The following MCC variants were observed in gnomAD, a reference collection of about 807,000 sequenced individuals.
MCC encodes MCC regulator of Wnt signaling pathway.
MCC carries 90 observed loss-of-function variants against 116.2 expected under a neutral mutation model. That is an observed-to-expected ratio of 0.77 (90% CI 0.65 to 0.92). The LOEUF (loss-of-function observed/expected upper bound fraction) is 0.92. MCC is among the 40% of genes least tolerant of loss of function. The pLI, the probability that MCC is intolerant of heterozygous loss-of-function variation, is 0.00. For synonymous variants in MCC, 578 were observed against 510.5 expected (o/e 1.13, Z -1.78); for missense variants, 1,516 against 1,312.2 (o/e 1.16, Z -2.40).
chr5:113,482,465 T>G (rs2150436480), intron 1 of MCC, among the ~76,000 whole-genome samples: 1 of 25,060 alleles, frequency 4.0e-5, no homozygotes, highest in East Asian at 3.8e-3. Flanking sequence ...GGGTGTAAAG[T>G]AGAATTCCCA....
chr5:113,358,941 A>G (rs188300329), intron 2 of MCC, among the ~76,000 whole-genome samples: 6 of 152,268 alleles, frequency 3.9e-5, no homozygotes, highest in African/African-American at 1.4e-4. Context: ...ACACAGGCCA[A>G]TTGTCTTAAA....
chr5:113,029,035 T>G lies in MCC; in HGVS notation c.2778A>C (p.Arg926Ser). 1 of 1,613,164 alleles carries G rather than the reference T, an allele frequency of 6.2e-7. No individual in the cohort carries two copies. The change falls in exon 18 of 19, where the codon AGA becomes AGC. Residue 926 changes from arginine to serine, a missense_variant. By Grantham distance (110) the Arg-to-Ser change is moderately radical. Transcript: ENST00000408903. Reference protein sequence around the residue: ...AIRREKKLKARVQELVSALER... With the variant: ...AIRREKKLKASVQELVSALER... ...CCAAGGCACTCACCAGCTCTTGAACTCTGGCCTTCAACTTCTTTTCTCTAT... is the reference window on the plus strand; with the variant it reads ...CCAAGGCACTCACCAGCTCTTGAACGCTGGCCTTCAACTTCTTTTCTCTAT...
chr5:113,174,595 A>G (rs942309425), intron 3 of MCC, among the ~76,000 whole-genome samples: 1 of 151,932 alleles, frequency 6.6e-6, no homozygotes, highest in African/African-American at 2.4e-5. Context: ...TAGTTAAAAA[A>G]TATTTTTTTT....
chr5:113,319,147 C>T lies in MCC; in HGVS notation c.627+21372G>A, dbSNP rs529506681. 1.3e-4 allele frequency among the ~76,000 whole-genome samples: 20 copies of T among 152,270 alleles called. No homozygotes were observed. The South Asian group carries it at 3.5e-3, about 27-fold the overall frequency. ...CCACACAAAGTGCTGAAACTATAGGCGTGAACCTCTGTGCCAAGCCTTCTA... is the reference window on the plus strand; with the variant it reads ...CCACACAAAGTGCTGAAACTATAGGTGTGAACCTCTGTGCCAAGCCTTCTA... On this transcript the variant is annotated intron_variant, in intron 3 of 18. Transcript: ENST00000408903.
intron 6 of MCC, among the ~76,000 whole-genome samples, chr5:113,107,653 C>G (rs1432379473): frequency 3.3e-5 from 5 of 152,188 alleles, no homozygotes; most frequent in African/African-American, 1.2e-4. Context: ...TCCTGGTATC[C>G]AGAGCTGGTG....
chr5:113,387,734 T>C lies in MCC; in HGVS notation c.171-2522A>G, dbSNP rs76909060. Among the ~76,000 whole-genome samples, 1,361 of 152,304 alleles carry C rather than the reference T, an allele frequency of 8.9e-3. 7 individuals are homozygous for C. Among genetic ancestry groups the C allele is most frequent in the Non-Finnish European group, 0.015 (1,019 of 68,014 alleles). Reference sequence around the variant, plus strand: ...TGTCATTGTAGGTTTAAAATGGGGATAGTAGTAGTACCTACCTCATAGGGC... The same window carrying C: ...TGTCATTGTAGGTTTAAAATGGGGACAGTAGTAGTACCTACCTCATAGGGC... On this transcript the variant is annotated intron_variant, in intron 1 of 18. Coordinates refer to ENST00000408903, the MANE Select transcript of MCC (RefSeq NM_001085377.2).
chr5:113,108,271 T>G (rs1263745828), intron 6 of MCC, among the ~76,000 whole-genome samples: 1 of 131,700 alleles, frequency 7.6e-6, no homozygotes, highest in East Asian at 2.3e-4. Context: ...AGGTGGAGGT[T>G]GCAATGAGCT....
At chr5:113,205,498 GCTGCATTTGTAAAAT>G (rs1762878657) in intron 3 of MCC, among the ~76,000 whole-genome samples, 1 of 152,180 alleles carries the variant, frequency 6.6e-6, no homozygotes, top group African/African-American at 2.4e-5. Flanking sequence ...CCTCTTCTAG[GCTGCATTTGTAAAAT>G]CTGCTCTGTG....
intron 11 of MCC, among the ~76,000 whole-genome samples, chr5:113,080,239 G>A (rs935712207): frequency 1.3e-5 from 2 of 152,244 alleles, no homozygotes; most frequent in East Asian, 3.8e-4. Flanking sequence ...GTGGAAGACA[G>A]TGTGGTGATT....
chr5:113,407,236 G>A (rs1322539281), intron 1 of MCC, among the ~76,000 whole-genome samples: 1 of 152,288 alleles, frequency 6.6e-6, no homozygotes, highest in East Asian at 1.9e-4. Flanking sequence ...CAGTTGAGCT[G>A]AGACTGAGTT....
chr5:113,465,914 A>G (rs1771889561), intron 1 of MCC, among the ~76,000 whole-genome samples: 1 of 152,178 alleles, frequency 6.6e-6, no homozygotes, highest in African/African-American at 2.4e-5. Context: ...TAAACTCTGA[A>G]AAGCAATTAG....
rs374403970 is a variant in MCC at position 113,031,905 on chromosome 5, G to T, written c.2757-2849C>A. ...TAGGGTTGTGGCGCAGGAGTGGGGA[G>T]TAGCCATTGCTGGGAGCTTAGAACT... On this transcript the variant is annotated intron_variant, in intron 17 of 18. Coordinates refer to ENST00000408903, the MANE Select transcript of MCC (RefSeq NM_001085377.2). Among the ~76,000 whole-genome samples, 302 of 152,292 alleles carry T rather than the reference G, an allele frequency of 2.0e-3. 1 individual carries two copies. The highest frequency in any genetic ancestry group is 3.7e-3 in the Non-Finnish European group (253 of 68,030).
At chr5:113,276,800 T>C (rs1765841853) in intron 3 of MCC, among the ~76,000 whole-genome samples, 1 of 143,602 alleles carries the variant, frequency 7.0e-6, no homozygotes. Context: ...CTAATTTTTC[T>C]TCTTATTTTT....
chr5:113,152,959 A>C (rs897892864), intron 3 of MCC, among the ~76,000 whole-genome samples: 8 of 152,184 alleles, frequency 5.3e-5, no homozygotes, highest in Non-Finnish European at 8.8e-5. Context: ...ACGACTTCTC[A>C]GTACAAATAC....
At chr5:113,284,294 C>A (rs1219574544) in intron 3 of MCC, among the ~76,000 whole-genome samples, 1 of 152,194 alleles carries the variant, frequency 6.6e-6, no homozygotes, top group African/African-American at 2.4e-5. Context: ...AGGCTGCAGA[C>A]TGCATTACTG....
intron 1 of MCC, among the ~76,000 whole-genome samples, chr5:113,468,053 G>A (rs1245452197): frequency 2.0e-5 from 3 of 152,208 alleles, no homozygotes; most frequent in Non-Finnish European, 4.4e-5. Flanking sequence ...CTTTGCTGAA[G>A]TTGCTTATCA....
intron 1 of MCC, among the ~76,000 whole-genome samples, chr5:113,420,770 G>A (rs1344740585): frequency 6.6e-6 from 1 of 152,204 alleles, no homozygotes; most frequent in Non-Finnish European, 1.5e-5. Flanking sequence ...ACCAATGATA[G>A]TAGGCAGGGA....
intron 1 of MCC, among the ~76,000 whole-genome samples, chr5:113,470,756 G>A (rs867282536): frequency 1.5e-3 from 127 of 85,154 alleles, no homozygotes; most frequent in Non-Finnish European, 3.0e-4. Flanking sequence ...AAGTTCTCCT[G>A]GATAATATCC....
chr5:113,400,487 G>A (rs934174096), intron 1 of MCC, among the ~76,000 whole-genome samples: 1 of 152,040 alleles, frequency 6.6e-6, no homozygotes, highest in African/African-American at 2.4e-5. Flanking sequence ...ATACTTTAAT[G>A]TATTTCCCCC....
Sources: gnomAD v4.1 joint callset for allele counts (sites outside exome capture counted in the v4.1 genomes callset) on GRCh38, gnomAD v4.1.1 for gene constraint, MANE v1.5 for transcripts, NCBI Gene and HGNC (gene_info 2026-07-23, HGNC 2026-07-21) for gene names.